The following MFHAS1 variants were observed in gnomAD, a reference collection of about 807,000 sequenced individuals.
The protein encoded by MFHAS1 is malignant fibrous histiocytoma-amplified sequence 1.
MFHAS1 carries 50 observed loss-of-function variants against 70.4 expected under a neutral mutation model. The ratio of observed to expected loss-of-function variants is 0.71; its 90% CI spans 0.57 to 0.90. The LOEUF (loss-of-function observed/expected upper bound fraction) is 0.90. Ranked by LOEUF, MFHAS1 falls within the 40% of genes least tolerant of loss-of-function variation. The pLI is 0.00. For missense variants in MFHAS1, 1,795 were observed against 1,347.6 expected, an observed-to-expected ratio of 1.33 and a Z score of -5.20; for synonymous variants, 952 against 620.0, an observed-to-expected ratio of 1.54 and a Z score of -7.96.
intron 1 of MFHAS1, among the ~76,000 whole-genome samples, chr8:8,815,151 A>C (rs1338645960): frequency 2.6e-5 from 4 of 152,130 alleles, no homozygotes; most frequent in African/African-American, 9.7e-5. Context: ...TTTGCTGAGG[A>C]TGATGGGTTC....
chr8:8,835,219 T>C (rs555840307), intron 1 of MFHAS1, among the ~76,000 whole-genome samples: 1 of 152,296 alleles, frequency 6.6e-6, no homozygotes, highest in African/African-American at 2.4e-5. Flanking sequence ...TGGGAGTGAA[T>C]GCATGTCAAA....
chr8:8,803,738 G>T (rs533328283), intron 1 of MFHAS1, among the ~76,000 whole-genome samples: 45 of 152,086 alleles, frequency 3.0e-4, no homozygotes, highest in Non-Finnish European at 5.1e-4. Flanking sequence ...TTGGGAGGCC[G>T]AGGCAGGCAA....
intron 1 of MFHAS1, among the ~76,000 whole-genome samples, chr8:8,812,232 G>C (rs1254895057): frequency 6.6e-6 from 1 of 152,146 alleles, no homozygotes; most frequent in Admixed American, 6.5e-5. Flanking sequence ...CCTTTGAGGG[G>C]GAAAGGGCAG....
chr8:8,817,198 T>A (rs1043447812), intron 1 of MFHAS1, among the ~76,000 whole-genome samples: 1 of 151,484 alleles, frequency 6.6e-6, no homozygotes, highest in African/African-American at 2.4e-5. Context: ...TCACTTCTGA[T>A]AAAATGAGTA....
Position 8,890,404 on chromosome 8 carries a change from G to C in MFHAS1, c.2655C>G (p.Ser885Arg), listed in dbSNP as rs1178387219. ...FVAEQLQIEY[S>R]FPFTFPLGLF... ...ACCCAAGTGGAAAAGTAAAAGGAAA[G>C]CTATATTCAATCTGCAACTGCTCAG... The change falls in exon 1 of 3, where the codon AGC (serine) becomes AGG (arginine). Residue 885 changes from serine (S) to arginine (R), a missense_variant. By Grantham distance (110) the Ser-to-Arg change is moderately radical (BLOSUM62 -1). Transcript: ENST00000276282. 1.2e-6 allele frequency: 2 copies of C among 1,614,086 alleles called. No homozygotes were observed. Among genetic ancestry groups the C allele is most frequent in the Middle Eastern group, 1.6e-4 (1 of 6,062 alleles).
chr8:8,870,126 G>GAA (rs1263887250), intron 1 of MFHAS1, among the ~76,000 whole-genome samples: 1 of 152,040 alleles, frequency 6.6e-6, no homozygotes, highest in Admixed American at 6.6e-5. Context: ...TCCTTCTGGT[G>GAA]AAAAAGTGTT....
chr8:8,854,208 C>T (rs1341133032), intron 1 of MFHAS1, among the ~76,000 whole-genome samples: 1 of 151,966 alleles, frequency 6.6e-6, no homozygotes, highest in Non-Finnish European at 1.5e-5. Flanking sequence ...ACCAGCCTGG[C>T]CAACATGGTG....
At chr8:8,806,239 G>A (rs1563182078) in intron 1 of MFHAS1, among the ~76,000 whole-genome samples, 1 of 152,154 alleles carries the variant, frequency 6.6e-6, no homozygotes, top group Non-Finnish European at 1.5e-5. Context: ...CAGAGTCCCT[G>A]GGGAGTTTCC....
At chr8:8,878,547 A>G (rs1014630932) in intron 1 of MFHAS1, among the ~76,000 whole-genome samples, 1 of 152,182 alleles carries the variant, frequency 6.6e-6, no homozygotes, top group African/African-American at 2.4e-5. Flanking sequence ...CATGAAAAAC[A>G]AGAATCATAT....
intron 1 of MFHAS1, among the ~76,000 whole-genome samples, chr8:8,822,539 G>C (rs1162430777): frequency 2.0e-5 from 3 of 149,624 alleles, no homozygotes; most frequent in Non-Finnish European, 3.0e-5. Context: ...GGGGGATTGA[G>C]ATGGAGACAG....
chr8:8,860,149 G>A (rs1013158875), intron 1 of MFHAS1: 2 of 152,256 alleles, frequency 1.3e-5, no homozygotes, highest in Admixed American at 6.5e-5. Context: ...GTCAAGGTAC[G>A]GTCAGAGGGA....
chr8:8,783,365 C>A lies in MFHAS1; in HGVS notation c.*2657G>T, dbSNP rs905201324. 1.3e-5 allele frequency: 2 copies of A among 152,154 alleles called. No individual in the cohort carries two copies. Among genetic ancestry groups the A allele is most frequent in the Non-Finnish European group, 2.9e-5 (2 of 68,014 alleles). 9.4% of individuals were successfully genotyped at this position (152,154 alleles called of 1,614,324 possible). A position where few individuals can be genotyped will look rare whatever the true frequency, so the allele number is the denominator to read the frequency against. On this transcript the variant is annotated 3_prime_UTR_variant, in exon 3 of 3. Coordinates refer to ENST00000276282, the MANE Select transcript of MFHAS1 (RefSeq NM_004225.3). ...TGGGAATACAACTGTTTAACCATTT[C>A]TTTGTATTTTTATTGATTTTTCTTT...
intron 1 of MFHAS1, among the ~76,000 whole-genome samples, chr8:8,854,539 G>C (rs928907253): frequency 6.7e-6 from 1 of 149,324 alleles, no homozygotes; most frequent in Non-Finnish European, 1.5e-5. Flanking sequence ...AAAAAAATTA[G>C]CCAGGTGAGG....
At chr8:8,885,522 T>C (rs1322856176) in intron 1 of MFHAS1, among the ~76,000 whole-genome samples, 2 of 152,148 alleles carry the variant, frequency 1.3e-5, no homozygotes, top group African/African-American at 4.8e-5. Context: ...TACCAACTCT[T>C]TGAGTTTAGA....
chr8:8,816,705 G>A (rs1343061882), intron 1 of MFHAS1, among the ~76,000 whole-genome samples: 2 of 152,056 alleles, frequency 1.3e-5, no homozygotes, highest in Non-Finnish European at 2.9e-5. Flanking sequence ...AATAATAATT[G>A]GTAGATGACA....
At chr8:8,830,357 C>T (rs1048175412) in intron 1 of MFHAS1, among the ~76,000 whole-genome samples, 4 of 152,082 alleles carry the variant, frequency 2.6e-5, no homozygotes, top group Admixed American at 2.0e-4. Context: ...TGTCAGCCAC[C>T]GTTTTCATCA....
intron 1 of MFHAS1, among the ~76,000 whole-genome samples, chr8:8,838,956 T>C (rs865890161): frequency 1.3e-5 from 2 of 152,212 alleles, no homozygotes; most frequent in Non-Finnish European, 2.9e-5. Context: ...TTATAATATA[T>C]GCAGGGTCTC....
At chr8:8,878,066 T>C (rs1052016894) in intron 1 of MFHAS1, among the ~76,000 whole-genome samples, 2 of 151,980 alleles carry the variant, frequency 1.3e-5, no homozygotes, top group Non-Finnish European at 2.9e-5. Flanking sequence ...CAGTGTGGCC[T>C]TTCTGGGAAC....
intron 1 of MFHAS1, among the ~76,000 whole-genome samples, chr8:8,814,220 G>A (rs1053877290): frequency 1.3e-5 from 2 of 152,186 alleles, no homozygotes; most frequent in Non-Finnish European, 2.9e-5. Flanking sequence ...TTACAGGCAT[G>A]AGCCAGCATG....
Sources: gnomAD v4.1 joint callset for allele counts (sites outside exome capture counted in the v4.1 genomes callset) on GRCh38, gnomAD v4.1.1 for gene constraint, MANE v1.5 for transcripts, NCBI Gene and HGNC (gene_info 2026-07-23, HGNC 2026-07-21) for gene names.